Variants in KIF6 observed in about 807,000 individuals in gnomAD.
KIF6 encodes the protein kinesin family member 6, also known as kinesin-like protein KIF6.
KIF6 carries 106 observed loss-of-function variants against 112.7 expected under a neutral mutation model. That is an observed-to-expected ratio of 0.94 (90% CI 0.80 to 1.11). KIF6 has a LOEUF of 1.11. Ranked by LOEUF, KIF6 falls within the 50% of genes least tolerant of loss-of-function variation. The pLI is 0.00. For synonymous variants in KIF6, 339 were observed against 339.9 expected, an observed-to-expected ratio of 1.00 and a Z score of 0.03; for missense variants, 929 against 964.0, an observed-to-expected ratio of 0.96 and a Z score of 0.48.
chr6:39,361,429 C>T (rs1046039524), intron 17 of KIF6, among the ~76,000 whole-genome samples: 1 of 151,570 alleles, frequency 6.6e-6, no homozygotes, highest in Non-Finnish European at 1.5e-5. Context: ...TGTTGTGGTG[C>T]GTGGCTGTAA....
Position 39,643,602 on chromosome 6 carries a change from G to A in KIF6, c.252-3845C>T, listed in dbSNP as rs537701128. On this transcript the variant is annotated intron_variant, in intron 3 of 22. Coordinates refer to ENST00000287152, the MANE Select transcript of KIF6 (RefSeq NM_145027.6). ...TGGTCTTTTTAACAAATGATCCTTG[G>A]ACAACTGGATATCCACATGAAAAAG... 8.5e-5 allele frequency among the ~76,000 whole-genome samples: 13 copies of A among 152,204 alleles called. No homozygotes were observed. The South Asian group carries it at 2.7e-3, about 32-fold the overall frequency.
chr6:39,361,622 G>A (rs1581673938), intron 17 of KIF6, among the ~76,000 whole-genome samples: 2 of 151,680 alleles, frequency 1.3e-5, no homozygotes, highest in South Asian at 2.1e-4. Context: ...TGAACAGAGC[G>A]AGGGAGAAGG....
intron 13 of KIF6, among the ~76,000 whole-genome samples, chr6:39,458,427 CA>C (rs1324823026): frequency 7.0e-6 from 1 of 142,006 alleles, no homozygotes; most frequent in African/African-American, 2.6e-5. Context: ...ACTGAATGGG[CA>C]AAAACTGGAA....
intron 3 of KIF6, among the ~76,000 whole-genome samples, chr6:39,676,300 G>A (rs1787135298): frequency 2.2e-5 from 2 of 89,888 alleles, no homozygotes; most frequent in Non-Finnish European, 4.8e-5. Flanking sequence ...AAAAGCAAAA[G>A]CTAAAGAGTG....
chr6:39,654,653 C>A (rs545527607), intron 3 of KIF6, among the ~76,000 whole-genome samples: 1 of 152,050 alleles, frequency 6.6e-6, no homozygotes, highest in African/African-American at 2.4e-5. Context: ...TATAATTCTC[C>A]TCCTCATCCT....
intron 13 of KIF6, among the ~76,000 whole-genome samples, chr6:39,457,544 G>C (rs1344392064): frequency 2.6e-5 from 4 of 151,440 alleles, no homozygotes; most frequent in African/African-American, 7.3e-5. Flanking sequence ...AGGAAACAGA[G>C]ACACAAAAAA....
At chr6:39,612,710 T>A (rs942060496) in intron 6 of KIF6, among the ~76,000 whole-genome samples, 1 of 152,224 alleles carries the variant, frequency 6.6e-6, no homozygotes, top group Non-Finnish European at 1.5e-5. Flanking sequence ...AAGTACTTTA[T>A]ACATATTAAC....
chr6:39,473,499 C>T (rs1294299853), intron 13 of KIF6, among the ~76,000 whole-genome samples: 2 of 151,950 alleles, frequency 1.3e-5, no homozygotes, highest in Non-Finnish European at 2.9e-5. Flanking sequence ...ATTTAGGAAG[C>T]GGGGCCCAAT....
intron 16 of KIF6, among the ~76,000 whole-genome samples, chr6:39,371,518 G>A (rs1765993791): frequency 6.6e-6 from 1 of 152,164 alleles, no homozygotes; most frequent in Non-Finnish European, 1.5e-5. Flanking sequence ...GCTCGTATCA[G>A]ATGGCCAGGG....
At chr6:39,367,012 G>A (rs1305261208) in intron 16 of KIF6, among the ~76,000 whole-genome samples, 1 of 152,108 alleles carries the variant, frequency 6.6e-6, no homozygotes, top group Non-Finnish European at 1.5e-5. Context: ...GCTGGGGCAA[G>A]GGACCTTGGG....
intron 3 of KIF6, among the ~76,000 whole-genome samples, chr6:39,673,523 A>G (rs1464157469): frequency 6.6e-6 from 1 of 152,264 alleles, no homozygotes; most frequent in East Asian, 1.9e-4. Flanking sequence ...ATCACTAAAA[A>G]GTTATGATCA....
At chr6:39,355,245 T>C (rs552542918) in intron 19 of KIF6, among the ~76,000 whole-genome samples, 1 of 152,254 alleles carries the variant, frequency 6.6e-6, no homozygotes, top group East Asian at 1.9e-4. Flanking sequence ...TTCTGCATAT[T>C]GATCTGTTTT....
chr6:39,400,064 G>A (rs1768573528), intron 15 of KIF6, among the ~76,000 whole-genome samples: 1 of 152,226 alleles, frequency 6.6e-6, no homozygotes, highest in Non-Finnish European at 1.5e-5. Flanking sequence ...TACAGTCTGG[G>A]GACTTGCTTT....
At chr6:39,653,336 T>A in intron 3 of KIF6, among the ~76,000 whole-genome samples, 1 of 152,134 alleles carries the variant, frequency 6.6e-6, no homozygotes, top group Non-Finnish European at 1.5e-5. Flanking sequence ...GTATCACCAT[T>A]CAGAGAGAAG....
intron 13 of KIF6, among the ~76,000 whole-genome samples, chr6:39,536,859 T>C (rs1778461136): frequency 6.6e-6 from 1 of 152,202 alleles, no homozygotes; most frequent in African/African-American, 2.4e-5. Flanking sequence ...TCAAAAAGCT[T>C]ATCCACCATG....
At chr6:39,428,934 A>G (rs143962997) in intron 14 of KIF6, among the ~76,000 whole-genome samples, 117 of 152,360 alleles carry the variant, frequency 7.7e-4, no homozygotes, top group Admixed American at 1.2e-3. Flanking sequence ...ATGAATAGCC[A>G]AGGCTGCTCA....
intron 10 of KIF6, among the ~76,000 whole-genome samples, chr6:39,557,907 GT>G (rs1779798185): frequency 6.7e-6 from 1 of 149,864 alleles, no homozygotes; most frequent in Admixed American, 6.6e-5. Context: ...AATAATACTT[GT>G]TATCTTTGGT....
At chr6:39,350,388 C>A (rs1027501552) in intron 19 of KIF6, among the ~76,000 whole-genome samples, 3 of 152,106 alleles carry the variant, frequency 2.0e-5, no homozygotes, top group African/African-American at 7.2e-5. Flanking sequence ...CTCCGACAGG[C>A]CTGGGTTTGA....
At chr6:39,454,973 A>T (rs957427676) in intron 13 of KIF6, among the ~76,000 whole-genome samples, 123 of 151,640 alleles carry the variant, frequency 8.1e-4, no homozygotes, top group Non-Finnish European at 1.5e-3. Context: ...AGGCTTGCTT[A>T]GGTAAACAAA....
Sources: allele counts gnomAD v4.1 joint callset (sites outside exome capture counted in the v4.1 genomes callset), GRCh38; gene constraint gnomAD v4.1.1; transcripts MANE v1.5; gene names NCBI Gene and HGNC (gene_info 2026-07-23, HGNC 2026-07-21).